Variants in ITPA observed in about 807,000 individuals in gnomAD.
ITPA encodes inosine triphosphatase, also known as inosine triphosphate pyrophosphatase.
ITPA carries 29 observed loss-of-function variants against 29.6 expected under a neutral mutation model. The ratio of observed to expected loss-of-function variants is 0.98; its 90% CI spans 0.73 to 1.34. The LOEUF is 1.34. Ranked by LOEUF, ITPA falls within the 40% of genes most tolerant of loss-of-function variation. The pLI is 0.00. For synonymous variants in ITPA, 103 were observed against 99.3 expected, an observed-to-expected ratio of 1.04 and a Z score of -0.22; for missense variants, 241 against 251.5, an observed-to-expected ratio of 0.96 and a Z score of 0.28.
chr20:3,207,174 C>T (rs549990356), upstream of ITPA, among the ~76,000 whole-genome samples: 4 of 152,166 alleles, frequency 2.6e-5, no homozygotes, highest in South Asian at 4.1e-4. Flanking sequence ...ACTGCAGCCT[C>T]GACTTCCCAG....
At chr20:3,209,321 GGGGT>G, upstream of ITPA, 2 of 614,624 alleles carry the variant, frequency 3.3e-6, no homozygotes, top group Non-Finnish European at 2.9e-6. The surrounding 1 kb of genome is among the most constrained non-coding windows in gnomAD (Gnocchi z 4.6). Flanking sequence ...TTAGGCAGGA[GGGGT>G]GGGTCACTCA....
chr20:3,205,331 TC>T (rs1238638265), upstream of ITPA, among the ~76,000 whole-genome samples: 9 of 151,916 alleles, frequency 5.9e-5, no homozygotes, highest in East Asian at 1.2e-3. Flanking sequence ...TTTCTTTCTT[TC>T]TTTCTTTTGA....
Position 3,221,664 on chromosome 20 carries a change from C to T in ITPA, c.412-177C>T, listed in dbSNP as rs1291469085. 5.8e-6 allele frequency: 4 copies of T among 686,864 alleles called. No individual in the cohort carries two copies. The Admixed American group carries it at 6.1e-5, about 10-fold the overall frequency. The allele number at this position is 686,864 out of a possible 1,614,324, so 42.5% of individuals were successfully genotyped here. On this transcript the variant is annotated intron_variant, in intron 6 of 7. Transcript: ENST00000380113. ...TGTGTGAGGGAAGAGCTGCCCCGCT[C>T]TGCTTTTTATTGTATTCAGCAAACA...
intron 4 of ITPA, among the ~76,000 whole-genome samples, chr20:3,214,642 C>T (rs1030377061): frequency 7.3e-5 from 11 of 151,398 alleles, no homozygotes; most frequent in Non-Finnish European, 1.0e-4. Context: ...TGCAGTGGCG[C>T]GATCTCCGCT....
chr20:3,218,387 C>A, intron 5 of ITPA, 130 bp from the exon 6 acceptor site: 1 of 731,334 alleles, frequency 1.4e-6, no homozygotes, highest in Non-Finnish European at 2.5e-6. Context: ...CTGCCGCCCC[C>A]GCTACCCCAA....
Position 3,221,817 on chromosome 20 carries a change from C to G in ITPA, c.412-24C>G, listed in dbSNP as rs755216422. 2.5e-6 allele frequency: 4 copies of G among 1,612,578 alleles called. No individual in the cohort carries two copies. In the Admixed American group the frequency reaches 5.0e-5, roughly 20 times the overall value. On this transcript the variant is annotated intron_variant, in intron 6 of 7. Transcript: ENST00000380113. The stretch of plus-strand genomic sequence containing the variant: ...CTTGTCCTCTGGACCCAGTTACACA[C>G]CTGTCCCCCCTTTCCTGTGGCAGGG...
At chr20:3,212,051 G>A (rs1478554689) in intron 1 of ITPA, among the ~76,000 whole-genome samples, 1 of 151,952 alleles carries the variant, frequency 6.6e-6, no homozygotes, top group Non-Finnish European at 1.5e-5. Context: ...TGGTACCTGG[G>A]CCACCTGTGG....
chr20:3,220,321 G>A (rs2067430706), intron 6 of ITPA, among the ~76,000 whole-genome samples: 1 of 152,026 alleles, frequency 6.6e-6, no homozygotes, highest in Admixed American at 6.6e-5. Flanking sequence ...TTCTCCCAAA[G>A]TGCAACCTCC....
intron 6 of ITPA, among the ~76,000 whole-genome samples, chr20:3,219,726 C>T (rs1024993779): frequency 7.5e-6 from 1 of 132,752 alleles, no homozygotes. Flanking sequence ...GCCTGGGCAA[C>T]AAGAGTGAGA....
rs1242299398 is a variant in ITPA at position 3,218,651 on chromosome 20, G to A, written c.411+19G>A. 2 of 1,582,090 alleles carry A rather than the reference G, an allele frequency of 1.3e-6. No individual in the cohort carries two copies. The highest frequency in any genetic ancestry group is 2.2e-5 in the South Asian group (2 of 90,458). On this transcript the variant is annotated intron_variant, in intron 6 of 7. Coordinates refer to ENST00000380113, the MANE Select transcript of ITPA (RefSeq NM_033453.4). Reference sequence around the variant, plus strand: ...GACCTCGGTGCGTACCCACCTTGATGCAGTTCCCGCCGCGCGCCGCCAGGG... The same window carrying A: ...GACCTCGGTGCGTACCCACCTTGATACAGTTCCCGCCGCGCGCCGCCAGGG...
At position 3,214,067 on chromosome 20, in the gene ITPA, C is replaced by T. The variant is rs2122329709; in HGVS notation, c.263+9C>T. On this transcript the variant is annotated intron_variant, in intron 4 of 7. Coordinates refer to ENST00000380113, the MANE Select transcript of ITPA (RefSeq NM_033453.4). ...CTCCCCGGCCCCTACATGTGAGTGA[C>T]TACCTCCACCCCCTTACAGGGCGTC... 1 of 1,613,862 alleles carries T rather than the reference C, an allele frequency of 6.2e-7. No individual in the cohort carries two copies. Among genetic ancestry groups the T allele is most frequent in the Non-Finnish European group, 8.5e-7 (1 of 1,179,688 alleles).
chr20:3,207,553 G>A (rs368075107), upstream of ITPA, among the ~76,000 whole-genome samples: 2 of 152,070 alleles, frequency 1.3e-5, no homozygotes, highest in African/African-American at 4.8e-5. Flanking sequence ...AATTCACTGG[G>A]TGTGGTGGTG....
upstream of ITPA, among the ~76,000 whole-genome samples, chr20:3,208,241 G>A (rs1175686316): frequency 1.3e-5 from 2 of 151,910 alleles, no homozygotes; most frequent in Non-Finnish European, 2.9e-5. Context: ...CAGGCTCCTC[G>A]GGGTAACTGA....
Position 3,218,830 on chromosome 20 carries a change from C to T in ITPA, c.411+198C>T, listed in dbSNP as rs187708910. The stretch of plus-strand genomic sequence containing the variant: ...CTAGGAGGGTGGTGGAAAGGGTTCC[C>T]TGGGGCCAGAGTAGTTGCCTACGCC... On this transcript the variant is annotated intron_variant, in intron 6 of 7. Coordinates refer to ENST00000380113, the MANE Select transcript of ITPA (RefSeq NM_033453.4). 420 of 642,412 alleles carry T rather than the reference C, an allele frequency of 6.5e-4. 9 individuals carry two copies. In the Admixed American group the frequency reaches 8.8e-3, roughly 13 times the overall value. The allele number at this position is 642,412 out of a possible 1,614,324, so 39.8% of individuals were successfully genotyped here. A position where few individuals can be genotyped will look rare whatever the true frequency, so the allele number is the denominator to read the frequency against.
downstream of ITPA, among the ~76,000 whole-genome samples, chr20:3,224,277 G>A (rs768629045): frequency 3.3e-5 from 5 of 152,244 alleles, no homozygotes; most frequent in Non-Finnish European, 4.4e-5. Context: ...TTCAGCCTGC[G>A]GGCTGCAGGC....
rs1332834819 is a variant in ITPA, at chr20:3,218,663, G to A, written c.411+31G>A. ...TACCCACCTTGATGCAGTTCCCGCC[G>A]CGCGCCGCCAGGGGGTGCCGCGACC... On this transcript the variant is annotated intron_variant, in intron 6 of 7. Transcript: ENST00000380113. The A allele has an allele frequency of 4.5e-6, 7 of 1,553,576 alleles. No individual in the cohort carries two copies. In the South Asian group the frequency reaches 5.6e-5, roughly 12 times the overall value.
chr20:3,204,278 A>T (rs1029855461), upstream of ITPA, among the ~76,000 whole-genome samples: 7 of 151,962 alleles, frequency 4.6e-5, no homozygotes, highest in Non-Finnish European at 7.4e-5. Context: ...AGGCCTTTGG[A>T]GGTATGGAGT....
At chr20:3,212,355 T>G (rs898874226) in intron 1 of ITPA, among the ~76,000 whole-genome samples, 1 of 151,928 alleles carries the variant, frequency 6.6e-6, no homozygotes, top group African/African-American at 2.4e-5. Flanking sequence ...AGTCTCACTC[T>G]GTCGCCTAAG....
In ITPA at chr20:3,223,448, A is replaced by C. The variant is rs756579000; in HGVS notation, c.571A>C (p.Ser191Arg). Reference sequence around the variant, plus strand: ...GCTGGAGCTGCAGGAGTACTTTGGCAGTTTGGCAGCTTGACTTCTGCAGCT... The same window carrying C: ...GCTGGAGCTGCAGGAGTACTTTGGCCGTTTGGCAGCTTGACTTCTGCAGCT... The part of the protein sequence containing the change: ...ALLELQEYFG[S>R]LAA The change falls in exon 8 of 8, where the codon AGT becomes CGT. Residue 191 changes from serine (S) to arginine (R), a missense_variant. Coordinates refer to ENST00000380113, the MANE Select transcript of ITPA (RefSeq NM_033453.4). The C allele has an allele frequency of 6.2e-7, 1 of 1,612,732 alleles. No homozygotes were observed. The highest frequency in any genetic ancestry group is 1.3e-5 in the African/African-American group (1 of 74,932).
Sources: gnomAD v4.1 joint callset for allele counts (sites outside exome capture counted in the v4.1 genomes callset) on GRCh38, gnomAD v4.1.1 for gene constraint, Gnocchi (gnomAD v3.1) non-coding constraint, MANE v1.5 for transcripts, NCBI Gene and HGNC (gene_info 2026-07-23, HGNC 2026-07-21) for gene names.